CCDC157: variants seen among roughly 807,000 people sequenced by gnomAD.
CCDC157 encodes coiled-coil domain containing 157.
A neutral mutation model predicts 70.9 loss-of-function variants in CCDC157; 60 were observed. That is an observed-to-expected ratio of 0.85 (90% confidence interval 0.69 to 1.05). The LOEUF (loss-of-function observed/expected upper bound fraction) is 1.05, where lower values mean the gene tolerates loss of function less well. Ranked by LOEUF, CCDC157 falls within the 50% of genes least tolerant of loss-of-function variation. The pLI is 0.00. For missense variants in CCDC157, 943 were observed against 984.2 expected, an observed-to-expected ratio of 0.96 and a Z score of 0.56; for synonymous variants, 373 against 422.4, an observed-to-expected ratio of 0.88 and a Z score of 1.43.
At chr22:30,369,411 A>G (rs1354346342) in intron 3 of CCDC157, 21 bp from the exon 4 acceptor site, 1 of 1,486,132 alleles carries the variant, frequency 6.7e-7, no homozygotes, top group Admixed American at 2.2e-5. Flanking sequence ...GGCCCCAGCA[A>G]CCTAGCATCT....
intron 4 of CCDC157, 103 bp from the exon 5 acceptor site, chr22:30,370,223 A>G: frequency 2.3e-6 from 3 of 1,296,742 alleles, no homozygotes; most frequent in Non-Finnish European, 3.3e-6. Flanking sequence ...TCTGAGTGTC[A>G]GGCAAGGCTG....
chr22:30,372,500 T>C, intron 7 of CCDC157: 1 of 600,134 alleles, frequency 1.7e-6, no homozygotes, highest in Non-Finnish European at 2.7e-6. Flanking sequence ...CAGTGAGGCC[T>C]CACTCTGGAA....
rs1294985860 is a variant in CCDC157 at position 30,378,087 on chromosome 22, G to A, written c.*1342G>A. ...TCCTCGCTGGCTGGCTGTAAGCCAG[G>A]TCCTCTCACGGCTCCTAGAGGCCGT... is the stretch of plus-strand genomic sequence containing the variant. On this transcript the variant is annotated 3_prime_UTR_variant, in exon 12 of 12. Transcript: ENST00000338306. 2 of 470,870 alleles carry A rather than the reference G, an allele frequency of 4.2e-6. No individual in the cohort carries two copies. The highest frequency in any genetic ancestry group is 2.3e-5 in the Admixed American group (1 of 42,556). The allele number at this position is 470,870 out of a possible 1,614,324, so 29.2% of individuals were successfully genotyped here. A position where few individuals can be genotyped will look rare whatever the true frequency, so the allele number is the denominator to read the frequency against.
At chr22:30,370,183 T>C (rs1294066603) in intron 4 of CCDC157, 143 bp from the exon 5 acceptor site, 3 of 916,236 alleles carry the variant, frequency 3.3e-6, no homozygotes, top group Non-Finnish European at 5.1e-6. Context: ...TTCTCTCTTA[T>C]TCACGTCGGT....
intron 4 of CCDC157, 98 bp downstream of exon 4, chr22:30,369,701 A>G: frequency 2.0e-6 from 2 of 989,354 alleles, no homozygotes; most frequent in Non-Finnish European, 2.8e-6. Flanking sequence ...TTCCTAGCCT[A>G]CCACTATGTG....
intron 6 of CCDC157, 37 bp downstream of exon 6, chr22:30,371,764 C>G: frequency 6.5e-7 from 1 of 1,538,400 alleles, no homozygotes; most frequent in Non-Finnish European, 9.0e-7. Context: ...TGCCACATCT[C>G]AAGCCAGGGG....
chr22:30,373,281 T>G (rs1320892052), intron 7 of CCDC157: 2 of 311,376 alleles, frequency 6.4e-6, no homozygotes, highest in Non-Finnish European at 1.2e-5. Flanking sequence ...TTCCCAGAAT[T>G]CCTCTCCAAG....
chr22:30,360,002 A>G (rs1932218175), intron 1 of CCDC157, among the ~76,000 whole-genome samples: 1 of 152,206 alleles, frequency 6.6e-6, no homozygotes, highest in South Asian at 2.1e-4. Flanking sequence ...AAAATTAGCC[A>G]GGTGCGGTGG....
intron 9 of CCDC157, 102 bp downstream of exon 9, chr22:30,374,193 A>C (rs1933170570): frequency 7.1e-7 from 1 of 1,401,466 alleles, no homozygotes; most frequent in Admixed American, 2.3e-5. Context: ...CCTAGCCTGC[A>C]GCAAGGGTGT....
chr22:30,361,291 T>C (rs1397988843), intron 1 of CCDC157, among the ~76,000 whole-genome samples: 1 of 148,644 alleles, frequency 6.7e-6, no homozygotes, highest in Non-Finnish European at 1.5e-5. Flanking sequence ...CTAGTAGTAA[T>C]ACATGAGGGA....
At chr22:30,365,595 A>T (rs974972190) in intron 2 of CCDC157, among the ~76,000 whole-genome samples, 3 of 151,636 alleles carry the variant, frequency 2.0e-5, no homozygotes, top group Non-Finnish European at 2.9e-5. Context: ...GTGTGGCCCA[A>T]CTCTCCCCAT....
rs1333292485 is a variant in CCDC157, at chr22:30,372,209, G to A, written c.1258G>A (p.Gly420Ser). The A allele has an allele frequency of 2.5e-6, 4 of 1,595,054 alleles. No homozygotes were observed. The highest frequency in any genetic ancestry group is 2.0e-4 in the Middle Eastern group (1 of 4,986). Residue 420 changes from glycine (G) to serine (S), a missense_variant, in exon 7 of 12, where the codon GGC becomes AGC. Coordinates refer to ENST00000338306, the MANE Select transcript of CCDC157 (RefSeq NM_001017437.5). ...GTTGGTGGGTCGGCTGGAGGGCGCT[G>A]GCCAGCAGGTCTGCTGGGCCAGCAC... Reference protein sequence around the residue: ...QLLVGRLEGAGQQVCWASTEL... With the variant: ...QLLVGRLEGASQQVCWASTEL...
Position 30,377,117 on chromosome 22 carries a change from T to G in CCDC157, c.*372T>G. The G allele has an allele frequency of 3.7e-6, 1 of 269,300 alleles. No individual in the cohort carries two copies. The highest frequency in any genetic ancestry group is 7.2e-6 in the Non-Finnish European group (1 of 138,846). The allele number at this position is 269,300 out of a possible 1,614,324, so 16.7% of individuals were successfully genotyped here. On this transcript the variant is annotated 3_prime_UTR_variant, in exon 12 of 12. Transcript: ENST00000338306. ...CCTTGGCTCAGTGGCCCGCACTGAC[T>G]CAGGAAGGGGTCAGGTGGGAGTGGA...
chr22:30,376,255 G>A lies in CCDC157; in HGVS notation c.1858-4G>A, dbSNP rs200862381. The stretch of plus-strand genomic sequence containing the variant: ...TAAGACTGGCTTTTTTTTTTTTTTT[G>A]TAGCTGATCCCGCAGGACCGGCTCT... On this transcript the variant is annotated splice_polypyrimidine_tract_variant and splice_region_variant and intron_variant, in intron 10 of 11. Transcript: ENST00000338306. The A allele has an allele frequency of 4.8e-6, 4 of 833,238 alleles. No individual in the cohort carries two copies. The highest frequency in any genetic ancestry group is 4.0e-4 in the Middle Eastern group (1 of 2,470). The allele number at this position is 833,238 out of a possible 1,614,324, so 51.6% of individuals were successfully genotyped here. A position where few individuals can be genotyped will look rare whatever the true frequency, so the allele number is the denominator to read the frequency against.
intron 4 of CCDC157, 104 bp downstream of exon 4, chr22:30,369,707 A>G: frequency 1.1e-6 from 1 of 938,616 alleles, no homozygotes; most frequent in Non-Finnish European, 1.5e-6. Context: ...GCCTACCACT[A>G]TGTGCACCAC....
chr22:30,364,111 C>T (rs1261261790), intron 2 of CCDC157, among the ~76,000 whole-genome samples: 1 of 152,168 alleles, frequency 6.6e-6, no homozygotes, highest in Non-Finnish European at 1.5e-5. Flanking sequence ...GCCTGGGCAA[C>T]ACAGTGAGAT....
rs149857618 is a variant in CCDC157 at position 30,376,459 on chromosome 22, G to A, written c.1973G>A (p.Ser658Asn). 4 of 1,613,726 alleles carry A rather than the reference G, an allele frequency of 2.5e-6. No homozygotes were observed. Among genetic ancestry groups the A allele is most frequent in the Non-Finnish European group, 2.5e-6 (3 of 1,179,896 alleles). Reference protein sequence around the residue: ...PGPLGRQHLPSSRTGRTLLGQ... With the variant: ...PGPLGRQHLPNSRTGRTLLGQ... ...CCTCTGGGCAGACAGCACCTTCCTA[G>A]CAGCAGGACGGGTAGGACCCTGCTG... Residue 658 changes from serine to asparagine, a missense_variant, in exon 12 of 12, where the codon AGC (serine) becomes AAC (asparagine). Physicochemically the swap from Ser to Asn is conservative, Grantham distance 46. Coordinates refer to ENST00000338306, the MANE Select transcript of CCDC157 (RefSeq NM_001017437.5).
intron 1 of CCDC157, among the ~76,000 whole-genome samples, chr22:30,361,241 C>CTT (rs1027740666): frequency 3.3e-5 from 4 of 119,862 alleles, no homozygotes; most frequent in African/African-American, 6.5e-5. Context: ...GAGCAAGACT[C>CTT]TGTCTCAAAA....
intron 9 of CCDC157, chr22:30,374,394 C>T: frequency 1.8e-6 from 1 of 570,036 alleles, no homozygotes; most frequent in Non-Finnish European, 3.3e-6. Flanking sequence ...ACGTCACATG[C>T]TAATTCTTGC....
Sources: allele counts gnomAD v4.1 joint callset (sites outside exome capture counted in the v4.1 genomes callset), GRCh38; gene constraint gnomAD v4.1.1; transcripts MANE v1.5; gene names NCBI Gene and HGNC (gene_info 2026-07-23, HGNC 2026-07-21).